The following THEMIS variants were observed in gnomAD, a reference collection of about 807,000 sequenced individuals.
THEMIS encodes the protein thymocyte selection associated, also known as protein THEMIS.
In THEMIS, 37 loss-of-function variants were observed where a neutral mutation model predicts 52.6. The ratio of observed to expected loss-of-function variants is 0.70; its 90% CI spans 0.54 to 0.93. THEMIS has a LOEUF of 0.93. THEMIS is among the 40% of genes least tolerant of loss of function. The pLI, the probability that THEMIS is intolerant of heterozygous loss-of-function variation, is 0.00. For synonymous variants in THEMIS, 292 were observed against 272.7 expected (o/e 1.07, Z -0.70); for missense variants, 808 against 763.1 (o/e 1.06, Z -0.69).
At chr6:127,899,525 T>C (rs1230079533) in intron 1 of THEMIS, among the ~76,000 whole-genome samples, 2 of 151,814 alleles carry the variant, frequency 1.3e-5, no homozygotes, top group South Asian at 2.1e-4. Context: ...GCTTAGCAAA[T>C]GGTACCTGGA....
intron 2 of THEMIS, among the ~76,000 whole-genome samples, chr6:127,851,207 G>C (rs1239600797): frequency 1.3e-5 from 2 of 151,526 alleles, no homozygotes; most frequent in Non-Finnish European, 3.0e-5. Flanking sequence ...GGAGAGCAGA[G>C]AGAGAGAGGT....
Position 127,742,148 on chromosome 6 carries a change from T to C in THEMIS, c.1759-22325A>G, listed in dbSNP as rs929118146. Among the ~76,000 whole-genome samples the C allele has an allele frequency of 1.3e-5, 2 of 150,914 alleles. 1 individual carries two copies. Reference sequence around the variant, plus strand: ...CCAACATGGTGAAACCCCGTCTCTATCAAAAAATGCAAAAAGATTAGCTGG... The same window carrying C: ...CCAACATGGTGAAACCCCGTCTCTACCAAAAAATGCAAAAAGATTAGCTGG... On this transcript the variant is annotated intron_variant, in intron 4 of 5. Transcript: ENST00000368248.
chr6:127,737,170 C>T (rs576395060), intron 4 of THEMIS, among the ~76,000 whole-genome samples: 68 of 152,288 alleles, frequency 4.5e-4, no homozygotes, highest in African/African-American at 1.6e-3. Context: ...GTAGCTACTC[C>T]TGGCTGAGGA....
intron 1 of THEMIS, among the ~76,000 whole-genome samples, chr6:127,864,147 A>G (rs919542792): frequency 5.9e-5 from 9 of 152,138 alleles, no homozygotes; most frequent in African/African-American, 2.2e-4. Flanking sequence ...ATCTTTTCAT[A>G]TGAATATAAG....
chr6:127,909,501 GC>G (rs1380932142), intron 1 of THEMIS, among the ~76,000 whole-genome samples: 1 of 152,052 alleles, frequency 6.6e-6, no homozygotes, highest in Non-Finnish European at 1.5e-5. Flanking sequence ...TGTTTGCTTT[GC>G]CTTCCACCAT....
intron 1 of THEMIS, among the ~76,000 whole-genome samples, chr6:127,898,526 G>A (rs182795027): frequency 1.9e-3 from 288 of 151,586 alleles, no homozygotes; most frequent in African/African-American, 6.4e-3. Context: ...TGGAGAAAAG[G>A]GAACGTTTAT....
intron 4 of THEMIS, among the ~76,000 whole-genome samples, chr6:127,735,880 T>C (rs2326638): frequency 0.012 from 1,836 of 152,344 alleles, 98 homozygotes; most frequent in East Asian, 0.092. Flanking sequence ...TCAGCTAGTA[T>C]ATGCTCTTTT....
intron 2 of THEMIS, among the ~76,000 whole-genome samples, chr6:127,839,575 T>C (rs1327027443): frequency 1.3e-5 from 2 of 152,050 alleles, no homozygotes; most frequent in African/African-American, 4.8e-5. Flanking sequence ...GAGTCACAGA[T>C]CACTGCGGCC....
rs200767496 is a variant in THEMIS at position 127,787,880 on chromosome 6, T to TAGATAGATATAGATAG, written c.1758+25002_1758+25003insCTATCTATATCTATCT. ...ATAGATAGATAGATAGATAGATAGA[T>TAGATAGATATAGATAG]ATAGATAGATAGATAGATAGATAGA... On this transcript the variant is annotated intron_variant, in intron 4 of 5. Transcript: ENST00000368248. Among the ~76,000 whole-genome samples, 916 of 119,930 alleles carry TAGATAGATATAGATAG rather than the reference T, an allele frequency of 7.6e-3. 3 individuals carry two copies. Among genetic ancestry groups the TAGATAGATATAGATAG allele is most frequent in the African/African-American group, 0.019 (641 of 33,514 alleles). 78.7% of individuals were successfully genotyped at this position (119,930 alleles called of 152,430 possible).
chr6:127,899,701 C>A (rs114645853), intron 1 of THEMIS, among the ~76,000 whole-genome samples: 1,667 of 151,540 alleles, frequency 0.011, 34 homozygotes, highest in African/African-American at 0.039. Flanking sequence ...AGACTTTTTA[C>A]GTAAAGCCTA....
chr6:127,859,870 A>G (rs984521655), intron 1 of THEMIS, among the ~76,000 whole-genome samples: 1 of 152,158 alleles, frequency 6.6e-6, no homozygotes, highest in African/African-American at 2.4e-5. Flanking sequence ...AACCATATCC[A>G]CTGGGGTTGC....
chr6:127,754,543 C>T (rs950772031), intron 4 of THEMIS, among the ~76,000 whole-genome samples: 1 of 152,138 alleles, frequency 6.6e-6, no homozygotes, highest in African/African-American at 2.4e-5. Flanking sequence ...CTTCTTTGAT[C>T]ATATACACTG....
chr6:127,832,934 C>A (rs1390596030), intron 2 of THEMIS, among the ~76,000 whole-genome samples: 1 of 151,552 alleles, frequency 6.6e-6, no homozygotes, highest in Non-Finnish European at 1.5e-5. Flanking sequence ...CAGGTGTGCA[C>A]CACCATACTC....
intron 4 of THEMIS, among the ~76,000 whole-genome samples, chr6:127,766,579 CAGAA>C (rs1776208062): frequency 6.6e-6 from 1 of 152,142 alleles, no homozygotes; most frequent in Non-Finnish European, 1.5e-5. Context: ...AGTACACTTA[CAGAA>C]ACATAGATGG....
chr6:127,700,648 GA>G, the THEMIS span, among the ~76,000 whole-genome samples: 6 of 151,864 alleles, frequency 4.0e-5, no homozygotes, highest in African/African-American at 1.4e-4. Context: ...CATCCCAATG[GA>G]AAAAATGCAT....
intron 4 of THEMIS, among the ~76,000 whole-genome samples, chr6:127,750,088 T>C (rs764745401): frequency 4.0e-5 from 6 of 150,248 alleles, no homozygotes; most frequent in Non-Finnish European, 8.9e-5. Flanking sequence ...TAATCATTGT[T>C]ATTACAGAGG....
intron 4 of THEMIS, among the ~76,000 whole-genome samples, chr6:127,738,600 T>A (rs1346163248): frequency 6.6e-6 from 1 of 152,130 alleles, no homozygotes; most frequent in African/African-American, 2.4e-5. Context: ...ATTTCACCCC[T>A]CCCCTTCTAT....
At chr6:127,778,454 TA>T (rs1562251190) in intron 4 of THEMIS, among the ~76,000 whole-genome samples, 1 of 152,140 alleles carries the variant, frequency 6.6e-6, no homozygotes, top group African/African-American at 2.4e-5. Context: ...TAATTCCTTT[TA>T]TTCAGTCTAA....
intron 1 of THEMIS, among the ~76,000 whole-genome samples, chr6:127,877,549 C>A (rs1276014628): frequency 6.6e-6 from 1 of 152,102 alleles, no homozygotes; most frequent in African/African-American, 2.4e-5. Flanking sequence ...AGGGAATAGG[C>A]AGACACAAGG....
Sources: allele counts gnomAD v4.1 joint callset (sites outside exome capture counted in the v4.1 genomes callset), GRCh38; gene constraint gnomAD v4.1.1; transcripts MANE v1.5; gene names NCBI Gene and HGNC (gene_info 2026-07-23, HGNC 2026-07-21).